The following MRPS9 variants were observed in gnomAD, a reference collection of about 807,000 sequenced individuals.
MRPS9 encodes the protein mitochondrial ribosomal protein S9.
MRPS9 carries 45 observed loss-of-function variants against 59.9 expected under a neutral mutation model. That is an observed-to-expected ratio of 0.75 (90% CI 0.59 to 0.96). MRPS9 has a LOEUF of 0.96. MRPS9 is among the 40% of genes least tolerant of loss of function. MRPS9 has a pLI of 0.00. For synonymous variants in MRPS9, 171 were observed against 166.8 expected, an observed-to-expected ratio of 1.03 and a Z score of -0.19; for missense variants, 473 against 481.1, an observed-to-expected ratio of 0.98 and a Z score of 0.16.
chr2:105,099,642 C>T, intron 10 of MRPS9, 28 bp from the exon 11 acceptor site: 1 of 1,605,272 alleles, frequency 6.2e-7, no homozygotes, highest in East Asian at 2.2e-5. Context: ...ATTAATGGTT[C>T]CTAAAGGCTT....
At chr2:105,082,139 G>T (rs1198686790) in intron 5 of MRPS9, among the ~76,000 whole-genome samples, 1 of 152,184 alleles carries the variant, frequency 6.6e-6, no homozygotes, top group Non-Finnish European at 1.5e-5. Context: ...GTGATCACAG[G>T]ATGGCTGTCC....
intron 1 of MRPS9, among the ~76,000 whole-genome samples, chr2:105,043,655 A>G (rs531569514): frequency 6.8e-4 from 103 of 151,856 alleles, no homozygotes; most frequent in Non-Finnish European, 1.3e-3. Flanking sequence ...TTTTTGAGAC[A>G]AGAGTCTTGC....
intron 5 of MRPS9, among the ~76,000 whole-genome samples, chr2:105,082,071 A>T (rs1054948527): frequency 2.0e-5 from 3 of 151,738 alleles, no homozygotes; most frequent in African/African-American, 4.8e-5. Context: ...GCCTGTCTGC[A>T]CTCTCTTTGT....
At chr2:105,049,413 T>C in intron 2 of MRPS9, 63 bp downstream of exon 2, 1 of 1,387,808 alleles carries the variant, frequency 7.2e-7, no homozygotes, top group Admixed American at 2.2e-5. Flanking sequence ...AAAAGCACTT[T>C]TCTTCATGAG....
chr2:105,078,866 A>G (rs1680267526), intron 4 of MRPS9, among the ~76,000 whole-genome samples: 1 of 152,204 alleles, frequency 6.6e-6, no homozygotes, highest in South Asian at 2.1e-4. Context: ...CAGAAGAAAT[A>G]CAAGAAAATA....
intron 5 of MRPS9, among the ~76,000 whole-genome samples, chr2:105,086,252 CA>C: frequency 6.6e-6 from 1 of 152,122 alleles, no homozygotes; most frequent in Admixed American, 6.5e-5. Flanking sequence ...TGATGGGTTA[CA>C]ATCATCAAAT....
chr2:105,096,811 A>G (rs1264270394), intron 9 of MRPS9, among the ~76,000 whole-genome samples: 2 of 152,332 alleles, frequency 1.3e-5, no homozygotes, highest in Non-Finnish European at 2.9e-5. Flanking sequence ...ATCCAGAGAC[A>G]TTAAATTCAG....
chr2:105,071,732 C>T (rs1208585165), intron 4 of MRPS9, among the ~76,000 whole-genome samples: 5 of 152,212 alleles, frequency 3.3e-5, no homozygotes, highest in Non-Finnish European at 7.4e-5. Context: ...TAATTATTTG[C>T]ATTCCAATAT....
intron 2 of MRPS9, among the ~76,000 whole-genome samples, chr2:105,049,765 G>C (rs1357274746): frequency 6.6e-6 from 1 of 152,154 alleles, no homozygotes; most frequent in Non-Finnish European, 1.5e-5. Context: ...TAGTCTAAGT[G>C]ATTTGAAAAT....
chr2:105,080,948 C>A (rs1236798913), intron 5 of MRPS9, among the ~76,000 whole-genome samples: 1 of 151,564 alleles, frequency 6.6e-6, no homozygotes, highest in African/African-American at 2.4e-5. Flanking sequence ...TTTTTGTTGA[C>A]CTTGGGCAAA....
intron 7 of MRPS9, 125 bp from the exon 8 acceptor site, chr2:105,092,276 A>G: frequency 1.3e-6 from 1 of 754,160 alleles, no homozygotes; most frequent in Non-Finnish European, 2.0e-6. Context: ...GAAGATGCAG[A>G]AGTGTCATCC....
chr2:105,045,514 A>C (rs1336957734), intron 1 of MRPS9, among the ~76,000 whole-genome samples: 1 of 152,094 alleles, frequency 6.6e-6, no homozygotes, highest in Non-Finnish European at 1.5e-5. Context: ...TAAAAAAAAT[A>C]GTCTAAAACT....
chr2:105,089,872 C>G (rs768928372), intron 6 of MRPS9, 48 bp from the exon 7 acceptor site: 5 of 1,288,306 alleles, frequency 3.9e-6, no homozygotes, highest in Non-Finnish European at 5.5e-6. Flanking sequence ...TGATATAACT[C>G]TAATTGCATG....
At chr2:105,089,463 C>G (rs1680514789) in intron 6 of MRPS9, among the ~76,000 whole-genome samples, 1 of 152,152 alleles carries the variant, frequency 6.6e-6, no homozygotes. Flanking sequence ...TCAAACTGAT[C>G]AGCCAGTGTT....
chr2:105,050,516 G>A (rs73945004), intron 2 of MRPS9, among the ~76,000 whole-genome samples: 31,476 of 152,026 alleles, frequency 0.21, 3,328 homozygotes, highest in Middle Eastern at 0.35. Flanking sequence ...CTCTTTTTGA[G>A]TTTTATGGTA....
chr2:105,087,135 G>A (rs1680462567), intron 5 of MRPS9, among the ~76,000 whole-genome samples: 1 of 152,118 alleles, frequency 6.6e-6, no homozygotes, highest in Non-Finnish European at 1.5e-5. Flanking sequence ...TAGAGTAACA[G>A]GGATATATAT....
intron 2 of MRPS9, among the ~76,000 whole-genome samples, chr2:105,066,041 G>A (rs990581633): frequency 2.0e-5 from 3 of 152,168 alleles, no homozygotes; most frequent in African/African-American, 7.2e-5. Flanking sequence ...ACTATTCCAT[G>A]CATACTAAAC....
intron 2 of MRPS9, among the ~76,000 whole-genome samples, chr2:105,051,254 T>A (rs1573419193): frequency 6.6e-6 from 1 of 152,212 alleles, no homozygotes; most frequent in Non-Finnish European, 1.5e-5. Context: ...GCTTTGTTCT[T>A]TTACATATGG....
chr2:105,056,957 AT>A (rs976905845), intron 2 of MRPS9, among the ~76,000 whole-genome samples: 193 of 151,830 alleles, frequency 1.3e-3, no homozygotes, highest in African/African-American at 4.1e-3. Flanking sequence ...ATATTTCAGA[AT>A]TTTTTTTTCC....
Sources: allele counts gnomAD v4.1 joint callset (sites outside exome capture counted in the v4.1 genomes callset), GRCh38; gene constraint gnomAD v4.1.1; transcripts MANE v1.5; gene names NCBI Gene and HGNC (gene_info 2026-07-23, HGNC 2026-07-21).